STXBP5L: variants seen among roughly 807,000 people sequenced by gnomAD.
STXBP5L encodes syntaxin-binding protein 5-like.
In STXBP5L, 65 loss-of-function variants were observed where a neutral mutation model predicts 144.5. The observed-to-expected ratio is 0.45, with a 90% confidence interval of 0.37 to 0.55. STXBP5L has a LOEUF of 0.55. Ranked by LOEUF, STXBP5L falls within the 20% of genes least tolerant of loss-of-function variation. The pLI is 0.00. For missense variants in STXBP5L, 1,298 were observed against 1,405.5 expected (o/e 0.92, Z 1.22); for synonymous variants, 505 against 469.6 (o/e 1.08, Z -0.97).
chr3:121,218,399 G>T (rs1024171138), intron 10 of STXBP5L, among the ~76,000 whole-genome samples: 40 of 146,514 alleles, frequency 2.7e-4, no homozygotes, highest in African/African-American at 9.5e-4. Flanking sequence ...GTATTATTTA[G>T]TAGTTATTAC....
At chr3:120,933,392 A>G (rs1357890963) in intron 2 of STXBP5L, among the ~76,000 whole-genome samples, 2 of 152,126 alleles carry the variant, frequency 1.3e-5, no homozygotes, top group Non-Finnish European at 2.9e-5. Flanking sequence ...CAAACATTCT[A>G]TACTGATGGA....
chr3:121,274,510 C>T (rs558387575), intron 18 of STXBP5L, among the ~76,000 whole-genome samples: 1 of 152,200 alleles, frequency 6.6e-6, no homozygotes, highest in Non-Finnish European at 1.5e-5. Flanking sequence ...CCTCTTGGCA[C>T]TAAGTCTGAT....
At chr3:120,991,461 C>T (rs1474811200) in intron 3 of STXBP5L, among the ~76,000 whole-genome samples, 1 of 152,050 alleles carries the variant, frequency 6.6e-6, no homozygotes, top group Non-Finnish European at 1.5e-5. Flanking sequence ...TACCATTTGA[C>T]CCAGCCATCC....
chr3:120,995,733 G>A (rs962911058), intron 3 of STXBP5L, among the ~76,000 whole-genome samples: 1 of 151,730 alleles, frequency 6.6e-6, no homozygotes, highest in Non-Finnish European at 1.5e-5. Context: ...TACATACATT[G>A]AGCGCCATAT....
chr3:121,213,557 GAAGC>G (rs758669023), intron 10 of STXBP5L, among the ~76,000 whole-genome samples: 35 of 152,318 alleles, frequency 2.3e-4, no homozygotes, highest in Non-Finnish European at 4.6e-4. Context: ...TCCCAGGTAT[GAAGC>G]CAACTTGATC....
At chr3:121,378,287 G>A (rs966928559) in intron 20 of STXBP5L, among the ~76,000 whole-genome samples, 1 of 152,162 alleles carries the variant, frequency 6.6e-6, no homozygotes, top group African/African-American at 2.4e-5. Flanking sequence ...GTATACCTAT[G>A]TAACAAACCT....
chr3:120,974,822 T>C (rs1940750798), intron 3 of STXBP5L, among the ~76,000 whole-genome samples: 1 of 152,192 alleles, frequency 6.6e-6, no homozygotes. Context: ...TTTCTTGTTT[T>C]TGTCAGGTTT....
chr3:120,975,091 T>G (rs1192399030), intron 3 of STXBP5L, among the ~76,000 whole-genome samples: 1 of 152,192 alleles, frequency 6.6e-6, no homozygotes, highest in Non-Finnish European at 1.5e-5. Context: ...AAGTCATTGG[T>G]AGTTTGATGG....
intron 5 of STXBP5L, among the ~76,000 whole-genome samples, chr3:121,105,708 G>A (rs1318346317): frequency 2.0e-5 from 3 of 151,840 alleles, no homozygotes; most frequent in African/African-American, 4.8e-5. Flanking sequence ...ATAGTGAAAA[G>A]GTACAAACTA....
chr3:121,418,374 T>A lies in STXBP5L; in HGVS notation c.3264T>A (p.Leu1088=), dbSNP rs1463565432. Residue 1088 remains leucine (L), a synonymous_variant, in exon 26 of 27, where the codon CTT becomes CTA. Transcript: ENST00000471454. ...CGGCAGGAAAAGCATCCCGCAGCCT[T>A]GCGCAACACATTCCTGGACCAGGTA... ...EASAGKASRS[L]AQHIPGPGSI... The A allele has an allele frequency of 6.2e-7, 1 of 1,613,990 alleles. No homozygotes were observed. Among genetic ancestry groups the A allele is most frequent in the Non-Finnish European group, 8.5e-7 (1 of 1,179,926 alleles).
At position 121,045,379 on chromosome 3, in the gene STXBP5L, A is replaced by T. The variant is rs527841783; in HGVS notation, c.370-56A>T. On this transcript the variant is annotated intron_variant, in intron 4 of 26. Transcript: ENST00000471454. ...TGAGTAAATTAGCTTGTTTGTGATT[A>T]AAAAAACCCTAAATTAAGTAAATCA... 6.0e-4 allele frequency: 900 copies of T among 1,492,766 alleles called. 2 individuals are homozygous for T. The highest frequency in any genetic ancestry group is 3.8e-3 in the East Asian group (164 of 42,742). The allele number at this position is 1,492,766 out of a possible 1,614,324, so 92.5% of individuals were successfully genotyped here.
intron 2 of STXBP5L, among the ~76,000 whole-genome samples, chr3:120,928,526 G>C (rs1709757736): frequency 6.6e-6 from 1 of 152,138 alleles, no homozygotes; most frequent in African/African-American, 2.4e-5. Context: ...CTCCCAAAGT[G>C]CTGGGATTAC....
At chr3:121,066,027 T>C (rs1309193162) in intron 5 of STXBP5L, among the ~76,000 whole-genome samples, 4 of 152,182 alleles carry the variant, frequency 2.6e-5, no homozygotes, top group Non-Finnish European at 5.9e-5. Flanking sequence ...CCTTACAAGA[T>C]GGAGGTCGTA....
chr3:121,034,410 A>G (rs1157730062), intron 3 of STXBP5L, among the ~76,000 whole-genome samples: 1 of 152,104 alleles, frequency 6.6e-6, no homozygotes, highest in African/African-American at 2.4e-5. Flanking sequence ...AGTTGATCTA[A>G]CTTAGGATAA....
chr3:120,965,780 C>G (rs983552165), intron 3 of STXBP5L, among the ~76,000 whole-genome samples: 1 of 152,092 alleles, frequency 6.6e-6, no homozygotes, highest in Admixed American at 6.6e-5. Context: ...CAAAGAGTAT[C>G]TTTATGATCT....
chr3:121,051,960 G>C (rs541363451), intron 5 of STXBP5L, among the ~76,000 whole-genome samples: 129 of 152,206 alleles, frequency 8.5e-4, no homozygotes, highest in African/African-American at 3.0e-3. Context: ...CACCTCTATG[G>C]AAATAAACTA....
intron 5 of STXBP5L, among the ~76,000 whole-genome samples, chr3:121,074,554 G>T (rs2041942550): frequency 6.6e-6 from 1 of 152,184 alleles, no homozygotes; most frequent in African/African-American, 2.4e-5. Context: ...ACCACTACAT[G>T]TGCCTGATTT....
chr3:121,330,917 G>C (rs2044301964), intron 20 of STXBP5L, among the ~76,000 whole-genome samples: 1 of 152,182 alleles, frequency 6.6e-6, no homozygotes, highest in South Asian at 2.1e-4. Flanking sequence ...TCACTCGCCT[G>C]TCACCACCAT....
At chr3:121,250,583 T>A in intron 14 of STXBP5L, 140 bp from the exon 15 acceptor site, 2 of 665,962 alleles carry the variant, frequency 3.0e-6, no homozygotes, top group Non-Finnish European at 5.2e-6. Flanking sequence ...TTAGAAATGG[T>A]TTAGCATACA....
Sources: allele counts gnomAD v4.1 joint callset (sites outside exome capture counted in the v4.1 genomes callset), GRCh38; gene constraint gnomAD v4.1.1; transcripts MANE v1.5; gene names NCBI Gene and HGNC (gene_info 2026-07-23, HGNC 2026-07-21).